The following HDAC5 variants were observed in gnomAD, a reference collection of about 807,000 sequenced individuals.
HDAC5 encodes histone deacetylase 5.
Under a neutral mutation model 133.3 loss-of-function variants are expected in HDAC5, and 25 were observed. The ratio of observed to expected loss-of-function variants is 0.19; its 90% CI spans 0.14 to 0.26. The LOEUF is 0.26. Among genes scored for constraint, HDAC5 ranks in the 10% least tolerant of loss-of-function variants. The probability of loss-of-function intolerance (pLI) is 1.00; values close to 1 mark genes in which losing one functional copy is unlikely to be tolerated. For missense variants in HDAC5, 1,041 were observed against 1,460.5 expected, an observed-to-expected ratio of 0.71 and a Z score of 4.68; for synonymous variants, 589 against 610.8, an observed-to-expected ratio of 0.96 and a Z score of 0.53.
chr17:44,093,278 C>A (rs71371967), intron 5 of HDAC5, 36 bp downstream of exon 5: 4 of 1,580,668 alleles, frequency 2.5e-6, no homozygotes, highest in East Asian at 2.3e-5. Flanking sequence ...GCATCACGGG[C>A]GGGGCCCTAC....
At chr17:44,087,015 GGCCCGGAGGGCTCGGCTGTGTCC>G (rs1269808648) in intron 13 of HDAC5, among the ~76,000 whole-genome samples, 1 of 151,540 alleles carries the variant, frequency 6.6e-6, no homozygotes, top group Admixed American at 6.6e-5. Context: ...GGATGAGTCA[GGCCCGGAGGGCTCGGCTGTGTCC>G]GCAATGAATG....
intron 2 of HDAC5, among the ~76,000 whole-genome samples, chr17:44,116,808 A>G (rs574846491): frequency 1.3e-5 from 2 of 152,184 alleles, no homozygotes; most frequent in Admixed American, 6.5e-5. Context: ...GAGTCCCCCA[A>G]ATAGACTATT....
chr17:44,093,957 G>A (rs960140185), intron 3 of HDAC5, 123 bp from the exon 4 acceptor site: 10 of 1,245,760 alleles, frequency 8.0e-6, no homozygotes, highest in African/African-American at 4.6e-5. Context: ...CAGAGAGGAA[G>A]TCAAATCCCT....
At chr17:44,102,666 T>C (rs2051687857) in intron 3 of HDAC5, among the ~76,000 whole-genome samples, 1 of 101,004 alleles carries the variant, frequency 9.9e-6, no homozygotes. Context: ...CCAGGTTCTC[T>C]CTTTTTTTTT....
At position 44,080,312 on chromosome 17, in the gene HDAC5, A is replaced by G. The variant is rs755670175; in HGVS notation, c.2826-87T>C. On this transcript the variant is annotated intron_variant, in intron 22 of 26. Coordinates refer to ENST00000682912, the MANE Select transcript of HDAC5 (RefSeq NM_005474.5). ...TATCCTCCCAGAGACAACCCCCTCT[A>G]CCCACACTGAACTGAGTGCCTTCTG... 210 of 1,539,692 alleles carry G rather than the reference A, an allele frequency of 1.4e-4. 1 individual carries two copies. In the Middle Eastern group the frequency reaches 2.0e-3, roughly 15 times the overall value.
intron 24 of HDAC5, 55 bp downstream of exon 24, chr17:44,079,089 T>G: frequency 6.3e-7 from 1 of 1,589,226 alleles, no homozygotes; most frequent in East Asian, 2.3e-5. Flanking sequence ...GCTGACCCCT[T>G]GCTGGCCCCT....
chr17:44,116,709 C>T (rs1243421589), intron 2 of HDAC5, among the ~76,000 whole-genome samples: 1 of 152,250 alleles, frequency 6.6e-6, no homozygotes, highest in African/African-American at 2.4e-5. Flanking sequence ...CCAGGACCCT[C>T]CTGGGAAACT....
Position 44,083,816 on chromosome 17 carries a change from C to A in HDAC5, c.2344G>T (p.Gly782Trp), listed in dbSNP as rs1274833754. 1 of 1,613,784 alleles carries A rather than the reference C, an allele frequency of 6.2e-7. No individual in the cohort carries two copies. Among genetic ancestry groups the A allele is most frequent in the Non-Finnish European group, 8.5e-7 (1 of 1,179,870 alleles). The change falls in exon 17 of 27, where the codon GGG (glycine) becomes TGG (tryptophan). Residue 782 changes from glycine to tryptophan, a missense_variant. Around this residue, in one of 9 missense-constraint regions of HDAC5, gnomAD observed 174 missense variants for 352.7 expected, o/e 0.49. Coordinates refer to ENST00000682912, the MANE Select transcript of HDAC5 (RefSeq NM_005474.5). Reference sequence around the variant, plus strand: ...TACGCCCTACTCACCCCGATGCCCCCACAAGGCAGCACAGCATACATCTTC... The same window carrying A: ...TACGCCCTACTCACCCCGATGCCCCAACAAGGCAGCACAGCATACATCTTC... The part of the protein sequence containing the change: ...SQKMYAVLPC[G>W]GIGVDSDTVW...
chr17:44,102,334 CACTT>C (rs963429286), intron 3 of HDAC5, among the ~76,000 whole-genome samples: 1 of 152,216 alleles, frequency 6.6e-6, no homozygotes, highest in African/African-American at 2.4e-5. Flanking sequence ...TTCCAGCTCT[CACTT>C]ACTCTATGAC....
intron 18 of HDAC5, 111 bp from the exon 19 acceptor site, chr17:44,082,931 A>G: frequency 1.1e-6 from 1 of 900,546 alleles, no homozygotes; most frequent in Non-Finnish European, 1.8e-6. Flanking sequence ...CAAACCAGAA[A>G]AGCAGATCCA....
At position 44,084,661 on chromosome 17, in the gene HDAC5, G is replaced by A. The variant is rs2050562542; in HGVS notation, c.2199C>T (p.Arg733=). ...TCTGGATCTCATCTAGCGTGGCTTT[G>A]CGACCTCGGATCCGCTGCCAGGAGG... ...LLSKCERIRG[R]KATLDEIQTV... The change falls in exon 16 of 27, where the codon CGC becomes CGT. Residue 733 remains arginine (R), a synonymous_variant. Coordinates refer to ENST00000682912, the MANE Select transcript of HDAC5 (RefSeq NM_005474.5). 1 of 1,614,084 alleles carries A rather than the reference G, an allele frequency of 6.2e-7. No individual in the cohort carries two copies. The highest frequency in any genetic ancestry group is 8.5e-7 in the Non-Finnish European group (1 of 1,179,956).
Position 44,093,814 on chromosome 17 carries a change from G to C in HDAC5, c.115C>G (p.Pro39Ala). 6.6e-7 allele frequency: 1 copy of C among 1,521,840 alleles called. No individual in the cohort carries two copies. Among genetic ancestry groups the C allele is most frequent in the South Asian group, 1.3e-5 (1 of 76,184 alleles). 94.3% of individuals were successfully genotyped at this position (1,521,840 alleles called of 1,614,324 possible). The change falls in exon 4 of 27, where the codon CCA becomes GCA. Residue 39 changes from proline (P) to alanine (A), a missense_variant. This residue lies in a region of HDAC5 where 93 missense variants were observed against 98.8 expected (regional missense o/e 0.94). Coordinates refer to ENST00000682912, the MANE Select transcript of HDAC5 (RefSeq NM_005474.5). ...CCCATGGAACTGGGCATGGCTCTTGGCAGCACCGGCTTCACCTCCACTGTG... is the reference window on the plus strand; with the variant it reads ...CCCATGGAACTGGGCATGGCTCTTGCCAGCACCGGCTTCACCTCCACTGTG... Reference protein sequence around the residue: ...PVTVEVKPVLPRAMPSSMGGG... With the variant: ...PVTVEVKPVLARAMPSSMGGG...
At chr17:44,102,618 C>T (rs1399879903) in intron 3 of HDAC5, among the ~76,000 whole-genome samples, 2 of 151,416 alleles carry the variant, frequency 1.3e-5, no homozygotes, top group Non-Finnish European at 2.9e-5. Flanking sequence ...CTCGGCCTCC[C>T]AAAGTGTTGG....
chr17:44,113,376 G>A (rs1301211901), intron 2 of HDAC5, among the ~76,000 whole-genome samples: 3 of 152,182 alleles, frequency 2.0e-5, no homozygotes, highest in Non-Finnish European at 2.9e-5. Flanking sequence ...CCTCCAACAA[G>A]TAGGAAGCAA....
rs1292322246 is a variant in HDAC5, at chr17:44,077,657, A to G, written c.*719T>C. 1 of 152,276 alleles carries G rather than the reference A, an allele frequency of 6.6e-6. No homozygotes were observed. The highest frequency in any genetic ancestry group is 1.5e-5 in the Non-Finnish European group (1 of 68,078). 9.4% of individuals were successfully genotyped at this position (152,276 alleles called of 1,614,324 possible). A position where few individuals can be genotyped will look rare whatever the true frequency, so the allele number is the denominator to read the frequency against. On this transcript the variant is annotated 3_prime_UTR_variant, in exon 27 of 27. Transcript: ENST00000682912. ...TACTCCTCCTGGCCCCTGAGAACCC[A>G]GGAAACCAGTCCTCTCCTTCCCCAC... is the stretch of plus-strand genomic sequence containing the variant.
chr17:44,108,317 CT>C (rs1325138205), intron 3 of HDAC5, among the ~76,000 whole-genome samples: 1 of 152,172 alleles, frequency 6.6e-6, no homozygotes, highest in Non-Finnish European at 1.5e-5. Flanking sequence ...CCCAGGAATC[CT>C]GCCAGCAATT....
chr17:44,078,568 G>A lies in HDAC5; in HGVS notation c.3261C>T (p.Ser1087=), dbSNP rs776893805. Residue 1087 remains serine, a synonymous_variant, in exon 26 of 27, where the codon AGC becomes AGT. Coordinates refer to ENST00000682912, the MANE Select transcript of HDAC5 (RefSeq NM_005474.5). ...AGETEEAETV[S]AMALLSVGAE... ...CCCCCACCGACAGCAAGGCCATGGC[G>A]CTCACAGTCTCGGCCTCCTCGGTCT... 20 of 1,611,308 alleles carry A rather than the reference G, an allele frequency of 1.2e-5. No homozygotes were observed. The highest frequency in any genetic ancestry group is 6.7e-5 in the East Asian group (3 of 44,876).
intron 22 of HDAC5, 60 bp from the exon 23 acceptor site, chr17:44,080,285 G>A (rs2050329633): frequency 1.9e-6 from 3 of 1,559,276 alleles, no homozygotes; most frequent in South Asian, 2.2e-5. Flanking sequence ...TCGCCCCACT[G>A]TTATCCTCCC....
intron 3 of HDAC5, among the ~76,000 whole-genome samples, chr17:44,104,098 A>C (rs949915204): frequency 6.6e-6 from 1 of 151,436 alleles, no homozygotes; most frequent in Non-Finnish European, 1.5e-5. Context: ...AGGTGGGCAG[A>C]TCACTTGAGG....
Sources: gnomAD v4.1 joint callset for allele counts (sites outside exome capture counted in the v4.1 genomes callset) on GRCh38, gnomAD v4.1.1 for gene constraint, gnomAD v4.1.1 regional missense constraint, MANE v1.5 for transcripts, NCBI Gene and HGNC (gene_info 2026-07-23, HGNC 2026-07-21) for gene names.